The following KCNIP1 variants were observed in gnomAD, a reference collection of about 807,000 sequenced individuals.
KCNIP1 encodes the protein A-type potassium channel modulatory protein KCNIP1.
KCNIP1 carries 18 observed loss-of-function variants against 33.0 expected under a neutral mutation model. The ratio of observed to expected loss-of-function variants is 0.55; its 90% CI spans 0.38 to 0.81. The LOEUF is 0.81. KCNIP1 is among the 30% of genes least tolerant of loss of function. KCNIP1 has a pLI of 0.00. For synonymous variants in KCNIP1, 93 were observed against 98.3 expected, an observed-to-expected ratio of 0.95 and a Z score of 0.32; for missense variants, 238 against 271.6, an observed-to-expected ratio of 0.88 and a Z score of 0.87.
intron 1 of KCNIP1, among the ~76,000 whole-genome samples, chr5:170,536,890 C>T (rs1389132266): frequency 4.6e-5 from 7 of 152,178 alleles, no homozygotes; most frequent in Admixed American, 4.6e-4. Context: ...AAGCATGCAT[C>T]TCCTGGGCAT....
chr5:170,462,680 C>T (rs1178170808), intron 1 of KCNIP1, among the ~76,000 whole-genome samples: 2 of 152,184 alleles, frequency 1.3e-5, no homozygotes, highest in African/African-American at 4.8e-5. Flanking sequence ...TACTTGCACA[C>T]ACATATTTAC....
At chr5:170,623,047 G>A (rs1759668427) in intron 1 of KCNIP1, among the ~76,000 whole-genome samples, 1 of 152,184 alleles carries the variant, frequency 6.6e-6, no homozygotes, top group Admixed American at 6.5e-5. Context: ...CGCATGCGCA[G>A]TTCGCAATAG....
intron 1 of KCNIP1, among the ~76,000 whole-genome samples, chr5:170,666,329 C>G (rs563664289): frequency 6.6e-6 from 1 of 151,852 alleles, no homozygotes; most frequent in Non-Finnish European, 1.5e-5. Flanking sequence ...TGTGTGTTTG[C>G]GTGTGTGTGT....
intron 1 of KCNIP1, among the ~76,000 whole-genome samples, chr5:170,519,975 G>T (rs959942518): frequency 6.6e-6 from 1 of 152,110 alleles, no homozygotes; most frequent in Non-Finnish European, 1.5e-5. Context: ...AACAGAATCT[G>T]GGCTGAATTT....
intron 1 of KCNIP1, among the ~76,000 whole-genome samples, chr5:170,588,895 C>G (rs894864841): frequency 1.3e-5 from 2 of 152,064 alleles, no homozygotes; most frequent in African/African-American, 4.8e-5. Context: ...CAAGTCGCTT[C>G]CCCTCTCTGA....
intron 1 of KCNIP1, among the ~76,000 whole-genome samples, chr5:170,551,891 T>C (rs1756653665): frequency 1.3e-5 from 2 of 152,054 alleles, no homozygotes; most frequent in South Asian, 4.2e-4. Context: ...TATGAATGTG[T>C]ACGAGTGTGT....
At chr5:170,510,784 T>C (rs1754905012) in intron 1 of KCNIP1, among the ~76,000 whole-genome samples, 1 of 152,162 alleles carries the variant, frequency 6.6e-6, no homozygotes, top group Non-Finnish European at 1.5e-5. Flanking sequence ...CACATTCCAC[T>C]CAAATCAGGA....
At chr5:170,555,078 G>A (rs565535934) in intron 1 of KCNIP1, among the ~76,000 whole-genome samples, 24 of 152,186 alleles carry the variant, frequency 1.6e-4, no homozygotes, top group African/African-American at 3.1e-4. Context: ...AATCACGTTC[G>A]TTCCCAGCCC....
intron 1 of KCNIP1, among the ~76,000 whole-genome samples, chr5:170,631,075 A>C (rs1291696988): frequency 2.6e-5 from 4 of 152,116 alleles, no homozygotes; most frequent in African/African-American, 9.7e-5. Context: ...CAACCAGATG[A>C]CTTCCTTCTC....
At chr5:170,354,401 G>C (rs951723999) in intron 1 of KCNIP1, among the ~76,000 whole-genome samples, 2 of 152,192 alleles carry the variant, frequency 1.3e-5, no homozygotes, top group African/African-American at 4.8e-5. Context: ...AGGTGGTGAT[G>C]GGCCGGCATC....
chr5:170,592,043 C>G (rs1758281555), intron 1 of KCNIP1, among the ~76,000 whole-genome samples: 1 of 152,198 alleles, frequency 6.6e-6, no homozygotes, highest in South Asian at 2.1e-4. Flanking sequence ...ACAGCAGCTG[C>G]AGCATTTTAC....
rs67586374 is a variant in KCNIP1 at position 170,578,674 on chromosome 5, CTTAAAG to C, written c.61+74048_61+74053del. Among the ~76,000 whole-genome samples, 11 of 152,260 alleles carry C rather than the reference CTTAAAG, an allele frequency of 7.2e-5. No individual in the cohort carries two copies. In the South Asian group the frequency reaches 1.7e-3, roughly 23 times the overall value. On this transcript the variant is annotated intron_variant, in intron 1 of 7. Transcript: ENST00000328939. ...AGCAATGAAATAACAAATAAGTCAT[CTTAAAG>C]TTAAAGGAGATGGACAATAGACAAA... is the stretch of plus-strand genomic sequence containing the variant.
At chr5:170,466,794 C>T (rs760952218) in intron 1 of KCNIP1, among the ~76,000 whole-genome samples, 3 of 152,162 alleles carry the variant, frequency 2.0e-5, no homozygotes, top group Non-Finnish European at 4.4e-5. Context: ...ACCCTCATGA[C>T]TTAATCACCT....
chr5:170,387,706 T>C (rs375273623), intron 1 of KCNIP1, among the ~76,000 whole-genome samples: 1 of 152,364 alleles, frequency 6.6e-6, no homozygotes, highest in South Asian at 2.1e-4. Context: ...TCTGTGATCT[T>C]GTGGGAATGG....
upstream of KCNIP1, among the ~76,000 whole-genome samples, chr5:170,503,579 T>C (rs1248861299): frequency 6.6e-6 from 1 of 151,636 alleles, no homozygotes; most frequent in African/African-American, 2.4e-5. Flanking sequence ...TTTGGATGTG[T>C]TTTTCACCCC....
chr5:170,470,386 C>G (rs113065922), intron 1 of KCNIP1, among the ~76,000 whole-genome samples: 8 of 152,224 alleles, frequency 5.3e-5, no homozygotes, highest in African/African-American at 1.9e-4. Context: ...CCTAGACCAC[C>G]GTGAGCTCCC....
At chr5:170,609,224 C>G (rs1320399529) in intron 1 of KCNIP1, among the ~76,000 whole-genome samples, 1 of 152,140 alleles carries the variant, frequency 6.6e-6, no homozygotes. Flanking sequence ...ATGGGGAGGT[C>G]AACAGAGAGC....
intron 1 of KCNIP1, among the ~76,000 whole-genome samples, chr5:170,623,532 C>T (rs1044953435): frequency 1.3e-5 from 2 of 152,090 alleles, no homozygotes; most frequent in Non-Finnish European, 1.5e-5. Context: ...TGTCTTAAAC[C>T]ACCCCAGCCT....
chr5:170,634,274 G>A (rs1350479682), intron 1 of KCNIP1, among the ~76,000 whole-genome samples: 1 of 152,184 alleles, frequency 6.6e-6, no homozygotes, highest in Admixed American at 6.5e-5. Flanking sequence ...AGAGGGCAAG[G>A]AATAAAATGC....
Sources: gnomAD v4.1 joint callset for allele counts (sites outside exome capture counted in the v4.1 genomes callset) on GRCh38, gnomAD v4.1.1 for gene constraint, MANE v1.5 for transcripts, NCBI Gene and HGNC (gene_info 2026-07-23, HGNC 2026-07-21) for gene names.